SPATA21: variants seen among roughly 807,000 people sequenced by gnomAD.
The protein encoded by SPATA21 is spermatogenesis associated 21, also known as spermatogenesis-associated protein 21.
In SPATA21, 47 loss-of-function variants were observed where a neutral mutation model predicts 54.8. That is an observed-to-expected ratio of 0.86 (90% confidence interval 0.68 to 1.09). SPATA21 has a LOEUF of 1.09. SPATA21 is among the 50% of genes least tolerant of loss of function. The pLI, the probability that SPATA21 is intolerant of heterozygous loss-of-function variation, is 0.00. For synonymous variants in SPATA21, 245 were observed against 235.3 expected, an observed-to-expected ratio of 1.04 and a Z score of -0.38; for missense variants, 599 against 596.4, an observed-to-expected ratio of 1.00 and a Z score of -0.05.
At chr1:16,417,333 A>G (rs966508377) in intron 5 of SPATA21, among the ~76,000 whole-genome samples, 1 of 151,752 alleles carries the variant, frequency 6.6e-6, no homozygotes, top group African/African-American at 2.4e-5. Flanking sequence ...ATCTTGGCTC[A>G]CTGCAGCCTC....
Position 16,398,809 on chromosome 1 carries a change from CAG to C in SPATA21, c.1364_1365del (p.Ser455Ter). 1 of 1,613,140 alleles carries C rather than the reference CAG, an allele frequency of 6.2e-7. No individual in the cohort carries two copies. The highest frequency in any genetic ancestry group is 8.5e-7 in the Non-Finnish European group (1 of 1,179,634). ...SGSQGNREHN[S>X]DSRKWLSSVP... is the part of the protein sequence containing the mutation. Reference sequence around the variant, plus strand: ...ACAGAGCTGAGCCACTTTCTGCTGTCAGAGTTGTGTTCCCTGGGGAGAGGAGT... The same window carrying C: ...ACAGAGCTGAGCCACTTTCTGCTGTCAGTTGTGTTCCCTGGGGAGAGGAGT... On this transcript the variant is annotated frameshift_variant, in exon 13 of 13. Coordinates refer to ENST00000335496, the MANE Select transcript of SPATA21 (RefSeq NM_198546.1). LOFTEE classifies it high-confidence loss of function.
At chr1:16,436,290 G>A (rs1371578208) in intron 1 of SPATA21, among the ~76,000 whole-genome samples, 1 of 151,858 alleles carries the variant, frequency 6.6e-6, no homozygotes, top group Non-Finnish European at 1.5e-5. Context: ...GGAGGCTGAG[G>A]CAGGAGAATT....
intron 5 of SPATA21, among the ~76,000 whole-genome samples, chr1:16,412,654 C>G (rs2100828242): frequency 6.6e-6 from 1 of 151,950 alleles, no homozygotes; most frequent in East Asian, 1.9e-4. Flanking sequence ...GTAGAGACAG[C>G]ATTTTACCAT....
intron 11 of SPATA21, chr1:16,400,482 C>G (rs2085410155): frequency 7.8e-7 from 1 of 1,275,084 alleles, no homozygotes; most frequent in Non-Finnish European, 9.9e-7. Flanking sequence ...TGGGACCAAC[C>G]TGTGCTCAGG....
At chr1:16,414,398 T>C (rs2085940269) in intron 5 of SPATA21, among the ~76,000 whole-genome samples, 1 of 152,106 alleles carries the variant, frequency 6.6e-6, no homozygotes, top group Non-Finnish European at 1.5e-5. Context: ...TACATGTTAA[T>C]GGTCTAGACT....
chr1:16,403,843 T>G lies in SPATA21; in HGVS notation c.885A>C (p.Glu295Asp), dbSNP rs1470588039. 8 of 1,609,996 alleles carry G rather than the reference T, an allele frequency of 5.0e-6. No individual in the cohort carries two copies. The highest frequency in any genetic ancestry group is 6.8e-6 in the Non-Finnish European group (8 of 1,177,672). The change falls in exon 10 of 13, where the codon GAA becomes GAC. Residue 295 changes from glutamate (E) to aspartate (D), a missense_variant and splice_region_variant. Transcript: ENST00000335496. ...TDTRRFFCSV[E>D]QNALSDMAPH... Reference sequence around the variant, plus strand: ...GAGCCATGTCCGACAGGGCGTTCTGTTCTGGAGACATGGGATAGTGGCTGC... The same window carrying G: ...GAGCCATGTCCGACAGGGCGTTCTGGTCTGGAGACATGGGATAGTGGCTGC...
intron 3 of SPATA21, among the ~76,000 whole-genome samples, chr1:16,422,607 G>A (rs993114924): frequency 4.6e-5 from 7 of 151,692 alleles, no homozygotes; most frequent in African/African-American, 1.7e-4. Flanking sequence ...CTGAGCTCAA[G>A]GGATCCCCCT....
intron 10 of SPATA21, 23 bp downstream of exon 10, chr1:16,403,704 C>A (rs761873319): frequency 9.4e-6 from 15 of 1,599,698 alleles, no homozygotes; most frequent in Non-Finnish European, 1.2e-5. Context: ...AACCCTTCAC[C>A]CCCAACAACC....
chr1:16,429,200 G>A (rs966895257), intron 3 of SPATA21, among the ~76,000 whole-genome samples: 5 of 147,056 alleles, frequency 3.4e-5, no homozygotes, highest in Middle Eastern at 3.2e-3. Context: ...ACGGGGTCTC[G>A]CTATATTGCC....
chr1:16,422,212 A>G, intron 3 of SPATA21: 2 of 1,421,384 alleles, frequency 1.4e-6, no homozygotes, highest in East Asian at 2.6e-5. Flanking sequence ...GGACAAGGAC[A>G]CCACGGCTGG....
In SPATA21 at chr1:16,409,029, A is replaced by G; in HGVS notation, c.673+89T>C. 5.7e-6 allele frequency: 8 copies of G among 1,402,736 alleles called. No individual in the cohort carries two copies. Among genetic ancestry groups the G allele is most frequent in the Non-Finnish European group, 8.0e-6 (8 of 998,408 alleles). 86.9% of individuals were successfully genotyped at this position (1,402,736 alleles called of 1,614,324 possible). On this transcript the variant is annotated intron_variant, in intron 7 of 12. Coordinates refer to ENST00000335496, the MANE Select transcript of SPATA21 (RefSeq NM_198546.1). This position sits in a 1 kb window ranked among gnomAD's most constrained non-coding sequence, Gnocchi z 4.1. Reference sequence around the variant, plus strand: ...ACATGGCGGCAGCCATGTGATCTGGAAAGCACCCCAGTCCGCCCTGCGCCT... The same window carrying G: ...ACATGGCGGCAGCCATGTGATCTGGGAAGCACCCCAGTCCGCCCTGCGCCT...
At chr1:16,407,792 G>T (rs2085693989) in intron 7 of SPATA21, among the ~76,000 whole-genome samples, 1 of 151,882 alleles carries the variant, frequency 6.6e-6, no homozygotes, top group East Asian at 1.9e-4. Context: ...AAGAGACAGG[G>T]TCTTGCTCTG....
chr1:16,396,915 AGAGG>A (rs2085321742), downstream of SPATA21: 1 of 152,394 alleles, frequency 6.6e-6, no homozygotes, highest in Non-Finnish European at 1.5e-5. Flanking sequence ...TCAGTCAGTA[AGAGG>A]GAGGATTACC....
Position 16,421,592 on chromosome 1 carries a change from G to T in SPATA21, c.96-35C>A, listed in dbSNP as rs139906428. 6.2e-7 allele frequency: 1 copy of T among 1,601,590 alleles called. No homozygotes were observed. Among genetic ancestry groups the T allele is most frequent in the Admixed American group, 1.7e-5 (1 of 58,542 alleles). On this transcript the variant is annotated intron_variant, in intron 4 of 12. Transcript: ENST00000335496. This position sits in a 1 kb window ranked among gnomAD's most constrained non-coding sequence, Gnocchi z 5.2. ...AGAGAAACCCCCAGGTGGGGGAAGC[G>T]CTCAGCTGAAGGTTTGCCCCCCTGC...
chr1:16,403,164 C>T (rs1010517897), intron 10 of SPATA21, among the ~76,000 whole-genome samples: 5 of 152,162 alleles, frequency 3.3e-5, no homozygotes, highest in Admixed American at 2.0e-4. Flanking sequence ...CCTGGAGACA[C>T]GTGGAGGCTT....
chr1:16,432,476 C>T (rs2086484392), intron 2 of SPATA21, among the ~76,000 whole-genome samples: 1 of 152,038 alleles, frequency 6.6e-6, no homozygotes, highest in South Asian at 2.1e-4. Flanking sequence ...TCATGTTCAG[C>T]TGTGCCACCA....
chr1:16,400,799 G>T lies in SPATA21; in HGVS notation c.1095C>A (p.Asn365Lys), dbSNP rs142728074. The T allele has an allele frequency of 8.7e-6, 14 of 1,611,748 alleles. No homozygotes were observed. In the African/African-American group the frequency reaches 1.6e-4, roughly 19 times the overall value. Reference sequence around the variant, plus strand: ...CTTCTGAGCTCTCTTCTTGCTGGGGGTTGTAGGGAAGCTTCTGCAACCGCA... The same window carrying T: ...CTTCTGAGCTCTCTTCTTGCTGGGGTTTGTAGGGAAGCTTCTGCAACCGCA... ...GRLRLQKLPYNPQQEESSEVP... is the reference protein window; with the variant it reads ...GRLRLQKLPYKPQQEESSEVP... Residue 365 changes from asparagine (N) to lysine (K), a missense_variant, in exon 11 of 13, where the codon AAC becomes AAA. Coordinates refer to ENST00000335496, the MANE Select transcript of SPATA21 (RefSeq NM_198546.1).
At position 16,398,776 on chromosome 1, in the gene SPATA21, G is replaced by T; in HGVS notation, c.1399C>A (p.Arg467=). ...SRKWLSSVPA[R]TH ...AGGCCTCCAGAGGGTCAGTGGGTTC[G>T]AGCTGGCACAGAGCTGAGCCACTTT... is the stretch of plus-strand genomic sequence containing the variant. The change falls in exon 13 of 13, where the codon CGA becomes AGA. Residue 467 remains arginine (R), a synonymous_variant. Coordinates refer to ENST00000335496, the MANE Select transcript of SPATA21 (RefSeq NM_198546.1). The T allele has an allele frequency of 2.5e-6, 4 of 1,613,894 alleles. No homozygotes were observed. Among genetic ancestry groups the T allele is most frequent in the Non-Finnish European group, 3.4e-6 (4 of 1,179,828 alleles).
intron 10 of SPATA21, 55 bp from the exon 11 acceptor site, chr1:16,400,947 C>T (rs560360191): frequency 5.8e-6 from 9 of 1,563,834 alleles, no homozygotes; most frequent in South Asian, 2.4e-5. Context: ...TCACCCTTCT[C>T]CTCCTCAGCC....
Sources: allele counts gnomAD v4.1 joint callset (sites outside exome capture counted in the v4.1 genomes callset), GRCh38; gene constraint gnomAD v4.1.1; non-coding constraint Gnocchi (gnomAD v3.1); transcripts MANE v1.5; gene names NCBI Gene and HGNC (gene_info 2026-07-23, HGNC 2026-07-21).